The following PDZD7 variants were observed in gnomAD, a reference collection of about 807,000 sequenced individuals.
PDZD7 encodes the protein PDZ domain-containing protein 7.
PDZD7 carries 72 observed loss-of-function variants against 84.7 expected under a neutral mutation model. The observed-to-expected ratio is 0.85, with a 90% confidence interval of 0.70 to 1.03. The LOEUF (loss-of-function observed/expected upper bound fraction) is 1.03. Among genes scored for constraint, PDZD7 ranks in the 50% least tolerant of loss-of-function variants. The pLI is 0.00. For missense variants in PDZD7, 1,490 were observed against 1,412.9 expected (o/e 1.05, Z -0.87); for synonymous variants, 594 against 580.7 (o/e 1.02, Z -0.33).
intron 4 of PDZD7, among the ~76,000 whole-genome samples, chr10:101,022,813 C>T (rs1394800830): frequency 6.6e-6 from 1 of 152,056 alleles, no homozygotes; most frequent in Non-Finnish European, 1.5e-5. Context: ...ACTCCTGCTG[C>T]CCAGGCTAGA....
Position 101,018,869 on chromosome 10 carries a change from C to A in PDZD7, c.1277G>T (p.Arg426Leu). 6.2e-7 allele frequency: 1 copy of A among 1,602,862 alleles called. No homozygotes were observed. Residue 426 changes from arginine to leucine, a missense_variant, in exon 8 of 17, where the codon CGA becomes CTA. By Grantham distance (102) the Arg-to-Leu change is moderately radical. Transcript: ENST00000619208. Reference protein sequence around the residue: ...PKTALLLALSRPRPPITRSQS... With the variant: ...PKTALLLALSLPRPPITRSQS... ...GGAGCGCGTGATGGGGGGCCGGGGTCGGCTGAGGGCCAGCAGCAAAGCCGT... is the reference window on the plus strand; with the variant it reads ...GGAGCGCGTGATGGGGGGCCGGGGTAGGCTGAGGGCCAGCAGCAAAGCCGT...
chr10:101,017,411 G>C (rs528274428), intron 9 of PDZD7: 2 of 425,114 alleles, frequency 4.7e-6, no homozygotes, highest in East Asian at 7.2e-5. Context: ...TTTTTCTTTA[G>C]AGACAGGGTC....
intron 2 of PDZD7, among the ~76,000 whole-genome samples, chr10:101,025,279 G>A (rs896005343): frequency 6.6e-6 from 1 of 151,578 alleles, no homozygotes; most frequent in Non-Finnish European, 1.5e-5. Context: ...ATGCAATCTC[G>A]GTTCACTGCA....
In PDZD7 at chr10:101,018,252, C is replaced by A; in HGVS notation, c.1369G>T (p.Glu457Ter). The A allele has an allele frequency of 6.2e-7, 1 of 1,614,088 alleles. No homozygotes were observed. The highest frequency in any genetic ancestry group is 1.1e-5 in the South Asian group (1 of 91,074). The change falls in exon 9 of 17, where the codon GAG becomes TAG. Residue 457 changes from glutamate (E) to a stop codon, truncating the protein, a stop_gained. Coordinates refer to ENST00000619208, the MANE Select transcript of PDZD7 (RefSeq NM_001195263.2). LOFTEE classifies it high-confidence loss of function. ...TTGGAGCGCTGCAGGGCACCCTTCT[C>A]CCCAGGGGACCCCGACTTCTCCTTC... ...RKKEKSGSPG[E>*]KGALQRSKTL...
At chr10:101,010,135 TC>T (rs1433320890) in intron 15 of PDZD7, 136 bp downstream of exon 15, 1 of 1,122,900 alleles carries the variant, frequency 8.9e-7, no homozygotes, top group Non-Finnish European at 1.2e-6. Context: ...CCTCAAGTGA[TC>T]CGCCTGCCTC....
chr10:101,022,002 C>T, intron 5 of PDZD7, 57 bp from the exon 6 acceptor site: 1 of 1,599,796 alleles, frequency 6.3e-7, no homozygotes, highest in Non-Finnish European at 8.5e-7. Flanking sequence ...CGTTACCCCA[C>T]TCCAGACCCC....
Position 101,021,661 on chromosome 10 carries a change from A to G in PDZD7, c.867+137T>C. The G allele has an allele frequency of 3.0e-6, 4 of 1,344,644 alleles. No individual in the cohort carries two copies. The South Asian group carries it at 3.5e-5, about 12-fold the overall frequency. 83.3% of individuals were successfully genotyped at this position (1,344,644 alleles called of 1,614,324 possible). A position where few individuals can be genotyped will look rare whatever the true frequency, so the allele number is the denominator to read the frequency against. On this transcript the variant is annotated intron_variant, in intron 6 of 16. Transcript: ENST00000619208. ...AAACCTGTTTCTTCTTCTTCAAAAC[A>G]GGGATGAGAACAATGCCTGTCTACC...
intron 9 of PDZD7, chr10:101,017,709 G>A (rs775031755): frequency 8.0e-5 from 53 of 662,236 alleles, no homozygotes; most frequent in Admixed American, 1.1e-4. Context: ...TCGCTTGAGC[G>A]TGGGAGGCGC....
rs1279995893 is a variant in PDZD7 at position 101,010,875 on chromosome 10, C to T, written c.2014G>A (p.Gly672Arg). 3 of 1,533,900 alleles carry T rather than the reference C, an allele frequency of 2.0e-6. No homozygotes were observed. Among genetic ancestry groups the T allele is most frequent in the Non-Finnish European group, 2.6e-6 (3 of 1,146,790 alleles). Residue 672 changes from glycine (G) to arginine (R), a missense_variant, in exon 15 of 17, where the codon GGA becomes AGA. By Grantham distance (125) the Gly-to-Arg change is moderately radical (BLOSUM62 -2). Coordinates refer to ENST00000619208, the MANE Select transcript of PDZD7 (RefSeq NM_001195263.2). Reference sequence around the variant, plus strand: ...TTCACCGGCAGCAGGTAGAAGCCTCCGCGGCTGTCTGGGGAAGAGCGCCAA... The same window carrying T: ...TTCACCGGCAGCAGGTAGAAGCCTCTGCGGCTGTCTGGGGAAGAGCGCCAA... ...HLITPVPDSR[G>R]GFYLLPVNGF...
rs963155966 is a variant in PDZD7, at chr10:101,031,117, G to A, written c.-210C>T. On this transcript the variant is annotated 5_prime_UTR_variant, in exon 1 of 17. Transcript: ENST00000619208. Reference sequence around the variant, plus strand: ...CGCCAGCCTTGTCAAACCACCCGCAGGCGAGAGCTACTGCCGCAGCCGGCA... The same window carrying A: ...CGCCAGCCTTGTCAAACCACCCGCAAGCGAGAGCTACTGCCGCAGCCGGCA... The A allele has an allele frequency of 5.3e-5, 8 of 152,376 alleles. No homozygotes were observed. The highest frequency in any genetic ancestry group is 2.0e-4 in the Admixed American group (3 of 15,292). 9.4% of individuals were successfully genotyped at this position (152,376 alleles called of 1,614,324 possible). A position where few individuals can be genotyped will look rare whatever the true frequency, so the allele number is the denominator to read the frequency against.
chr10:101,015,880 C>G (rs1852601209), intron 10 of PDZD7, 69 bp from the exon 11 acceptor site: 1 of 1,476,634 alleles, frequency 6.8e-7, no homozygotes, highest in African/African-American at 1.4e-5. Flanking sequence ...CCAGAATTGG[C>G]CAGCTGAGAG....
At chr10:101,014,110 C>T (rs536501660) in intron 11 of PDZD7, among the ~76,000 whole-genome samples, 4 of 151,856 alleles carry the variant, frequency 2.6e-5, no homozygotes, top group East Asian at 1.9e-4. Context: ...CCGCTCACCT[C>T]GGCCACCCAA....
Position 101,010,823 on chromosome 10 carries a change from C to T in PDZD7, c.2066G>A (p.Gly689Glu). ...VNGFPEEEDN[G>E]ELRERLGALK... ...GGCCCCCAGCCGCTCCCTCAGCTCCCCATTATCTTCCTCTTCCGGGAAGCC... is the reference window on the plus strand; with the variant it reads ...GGCCCCCAGCCGCTCCCTCAGCTCCTCATTATCTTCCTCTTCCGGGAAGCC... Residue 689 changes from glycine (G) to glutamate (E), a missense_variant, in exon 15 of 17, where the codon GGG (glycine) becomes GAG (glutamate). Gly to Glu is a moderately conservative substitution (Grantham distance 98). Coordinates refer to ENST00000619208, the MANE Select transcript of PDZD7 (RefSeq NM_001195263.2). The T allele has an allele frequency of 6.5e-7, 1 of 1,535,262 alleles. No homozygotes were observed. Among genetic ancestry groups the T allele is most frequent in the South Asian group, 1.2e-5 (1 of 84,046 alleles).
rs1355095137 is a variant in PDZD7, at chr10:101,010,429, G to C, written c.2460C>G (p.Pro820=). The C allele has an allele frequency of 5.2e-6, 8 of 1,536,142 alleles. No individual in the cohort carries two copies. In the South Asian group the frequency reaches 9.5e-5, roughly 18 times the overall value. The stretch of plus-strand genomic sequence containing the variant: ...CCCCATCCAGAGGTCGTGGCAGAGG[G>C]GGTCTGGCCTTCCGAGGCTTGTGGT... The part of the protein sequence containing the change: ...GRYHKPRKAR[P]PLPRPLDGEA... Residue 820 remains proline, a synonymous_variant, in exon 15 of 17, where the codon CCC becomes CCG. Coordinates refer to ENST00000619208, the MANE Select transcript of PDZD7 (RefSeq NM_001195263.2).
intron 9 of PDZD7, among the ~76,000 whole-genome samples, chr10:101,016,799 G>T (rs1474360355): frequency 2.6e-5 from 4 of 152,278 alleles, no homozygotes; most frequent in Non-Finnish European, 5.9e-5. Context: ...AGAGAGGTGG[G>T]AGGAGAACCA....
chr10:101,027,895 G>A (rs916296771), intron 2 of PDZD7, among the ~76,000 whole-genome samples: 13 of 152,206 alleles, frequency 8.5e-5, no homozygotes, highest in Non-Finnish European at 1.6e-4. Flanking sequence ...CTAGGAGAGT[G>A]AGGAGAAATG....
At chr10:101,023,339 G>A in intron 4 of PDZD7, 97 bp downstream of exon 4, 1 of 1,478,326 alleles carries the variant, frequency 6.8e-7, no homozygotes, top group South Asian at 1.2e-5. Flanking sequence ...GCGAGCAGGA[G>A]GAACAGAAGC....
In PDZD7 at chr10:101,019,084, C is replaced by T; in HGVS notation, c.1062G>A (p.Glu354=). 2 of 1,566,292 alleles carry T rather than the reference C, an allele frequency of 1.3e-6. No individual in the cohort carries two copies. Among genetic ancestry groups the T allele is most frequent in the Non-Finnish European group, 1.7e-6 (2 of 1,163,104 alleles). The part of the protein sequence containing the change: ...SDRMDICLGQ[E]EPGSRGPGWG... Reference sequence around the variant, plus strand: ...AGCCTGGGCCGCGGCTGCCGGGCTCCTCCTGCCCGAGGCAGATGTCCATGC... The same window carrying T: ...AGCCTGGGCCGCGGCTGCCGGGCTCTTCCTGCCCGAGGCAGATGTCCATGC... The change falls in exon 8 of 17, where the codon GAG becomes GAA. Residue 354 remains glutamate (E), a synonymous_variant. Coordinates refer to ENST00000619208, the MANE Select transcript of PDZD7 (RefSeq NM_001195263.2).
chr10:101,016,456 G>C, intron 9 of PDZD7, 29 bp from the exon 10 acceptor site: 1 of 1,550,346 alleles, frequency 6.5e-7, no homozygotes, highest in African/African-American at 1.4e-5. Context: ...CTCAGCTGCA[G>C]GCCTTGGCCC....
Sources: gnomAD v4.1 joint callset for allele counts (sites outside exome capture counted in the v4.1 genomes callset) on GRCh38, gnomAD v4.1.1 for gene constraint, MANE v1.5 for transcripts, NCBI Gene and HGNC (gene_info 2026-07-23, HGNC 2026-07-21) for gene names.